The following VKORC1L1 variants were observed in gnomAD, a reference collection of about 807,000 sequenced individuals.
VKORC1L1 encodes the protein vitamin K epoxide reductase complex subunit 1-like protein 1.
A neutral mutation model predicts 18.9 loss-of-function variants in VKORC1L1; 2 were observed. That is an observed-to-expected ratio of 0.11 (90% CI 0.04 to 0.33). VKORC1L1 has a LOEUF of 0.33. VKORC1L1 is among the 10% of genes least tolerant of loss of function. VKORC1L1 has a pLI of 1.00. For synonymous variants in VKORC1L1, 96 were observed against 100.0 expected, an observed-to-expected ratio of 0.96 and a Z score of 0.24; for missense variants, 123 against 224.1, an observed-to-expected ratio of 0.55 and a Z score of 2.88.
intron 2 of VKORC1L1, among the ~76,000 whole-genome samples, chr7:65,952,900 C>T (rs1444330137): frequency 1.3e-5 from 2 of 150,420 alleles, no homozygotes; most frequent in African/African-American, 2.4e-5. Flanking sequence ...ATTCTCGTGC[C>T]TCAGCCTCCC....
chr7:65,903,466 G>A (rs73370623), intron 1 of VKORC1L1, among the ~76,000 whole-genome samples: 2,788 of 152,186 alleles, frequency 0.018, 53 homozygotes, highest in East Asian at 0.086. Flanking sequence ...TGCCCAGCCT[G>A]GAGAGACACC....
chr7:65,938,222 A>AG (rs1239547837), intron 1 of VKORC1L1, among the ~76,000 whole-genome samples: 3 of 152,162 alleles, frequency 2.0e-5, no homozygotes, highest in Admixed American at 2.0e-4. Flanking sequence ...GAAAAAAAAA[A>AG]TGATATCCTT....
chr7:65,898,077 GTTTTTTTT>G (rs71051319), intron 1 of VKORC1L1, among the ~76,000 whole-genome samples: 5 of 83,000 alleles, frequency 6.0e-5, no homozygotes, highest in East Asian at 4.1e-4. Flanking sequence ...TTTGTAGCAG[GTTTTTTTT>G]TTTTTTTTTT....
Position 65,945,627 on chromosome 7 carries a change from G to T in VKORC1L1, c.195-3044G>T, listed in dbSNP as rs2420049. ...GACTCCGTCTCAAAAAAAAAAGGTG[G>T]AAACAGTTAACAGACATCAAAGTGG... is the stretch of plus-strand genomic sequence containing the variant. On this transcript the variant is annotated intron_variant, in intron 1 of 2. Transcript: ENST00000360768. Among the ~76,000 whole-genome samples the T allele has an allele frequency of 2.6e-5, 4 of 152,150 alleles. No individual in the cohort carries two copies. In the East Asian group the frequency reaches 7.7e-4, roughly 29 times the overall value.
rs1788751211 is a variant in VKORC1L1, at chr7:65,873,108, T to G, written c.-264T>G. Among the ~76,000 whole-genome samples, 1 of 148,950 alleles carries G rather than the reference T, an allele frequency of 6.7e-6. No homozygotes were observed. The highest frequency in any genetic ancestry group is 1.5e-5 in the Non-Finnish European group (1 of 66,704). On this transcript the variant is annotated 5_prime_UTR_variant, in exon 1 of 3. Coordinates refer to ENST00000360768, the MANE Select transcript of VKORC1L1 (RefSeq NM_173517.6). The stretch of plus-strand genomic sequence containing the variant: ...CCGCCGATCCGGCCTCTTCGGCCGT[T>G]GCGCACTCCACCCCCTCCCTCCGCG...
rs540888746 is a variant in VKORC1L1, at chr7:65,890,931, C to T, written c.194+17366C>T. On this transcript the variant is annotated intron_variant, in intron 1 of 2. Transcript: ENST00000360768. ...CCCAGATGAAGATATAGAATATTTC[C>T]GTCACCCAGAAAGTTCTTTCATGGT... is the stretch of plus-strand genomic sequence containing the variant. Among the ~76,000 whole-genome samples the T allele has an allele frequency of 3.3e-5, 5 of 152,188 alleles. No individual in the cohort carries two copies. In the South Asian group the frequency reaches 6.2e-4, roughly 19 times the overall value.
At chr7:65,920,212 A>G (rs1789652637) in intron 1 of VKORC1L1, among the ~76,000 whole-genome samples, 1 of 151,566 alleles carries the variant, frequency 6.6e-6, no homozygotes, top group South Asian at 2.1e-4. Flanking sequence ...TCAACCCTGT[A>G]CTCATCTTTC....
intron 1 of VKORC1L1, among the ~76,000 whole-genome samples, chr7:65,921,678 C>G (rs1402073733): frequency 6.6e-6 from 1 of 152,136 alleles, no homozygotes; most frequent in African/African-American, 2.4e-5. Context: ...GAAACCCCGT[C>G]TCTACTAAAA....
chr7:65,883,454 A>T (rs1204730119), intron 1 of VKORC1L1, among the ~76,000 whole-genome samples: 1 of 151,502 alleles, frequency 6.6e-6, no homozygotes, highest in Admixed American at 6.6e-5. Context: ...ACCCGGCCAC[A>T]TTTGAGCTTT....
At chr7:65,866,866 G>C in the VKORC1L1 span, among the ~76,000 whole-genome samples, 1 of 152,086 alleles carries the variant, frequency 6.6e-6, no homozygotes, top group African/African-American at 2.4e-5. Flanking sequence ...CGAGGAGGAA[G>C]AGGAGGAGGG....
intron 1 of VKORC1L1, among the ~76,000 whole-genome samples, chr7:65,895,489 A>ATG (rs1789189370): frequency 2.3e-5 from 1 of 42,634 alleles, no homozygotes; most frequent in East Asian, 1.2e-3. Flanking sequence ...AAATATATAT[A>ATG]TATATATATA....
At chr7:65,878,907 C>CA (rs1257044135) in intron 1 of VKORC1L1, among the ~76,000 whole-genome samples, 8 of 150,036 alleles carry the variant, frequency 5.3e-5, no homozygotes, top group African/African-American at 1.5e-4. Flanking sequence ...GACTCTGTCT[C>CA]AAAAAAAAAG....
chr7:65,901,849 C>G (rs561058443), intron 1 of VKORC1L1, among the ~76,000 whole-genome samples: 3 of 152,194 alleles, frequency 2.0e-5, no homozygotes, highest in Admixed American at 6.5e-5. Flanking sequence ...AAGCAGCAGG[C>G]CAAACAATTC....
At chr7:65,949,122 G>C (rs1219877689) in intron 2 of VKORC1L1, among the ~76,000 whole-genome samples, 3 of 152,022 alleles carry the variant, frequency 2.0e-5, no homozygotes, top group African/African-American at 7.3e-5. Context: ...ACATTAACAA[G>C]AAACCATATT....
Position 65,956,468 on chromosome 7 carries a change from T to C in VKORC1L1, c.*2168T>C, listed in dbSNP as rs947099273. 6 of 152,262 alleles carry C rather than the reference T, an allele frequency of 3.9e-5. No individual in the cohort carries two copies. The highest frequency in any genetic ancestry group is 7.3e-5 in the Non-Finnish European group (5 of 68,048). The allele number at this position is 152,262 out of a possible 1,614,324, so 9.4% of individuals were successfully genotyped here. A position where few individuals can be genotyped will look rare whatever the true frequency, so the allele number is the denominator to read the frequency against. On this transcript the variant is annotated 3_prime_UTR_variant, in exon 3 of 3. Coordinates refer to ENST00000360768, the MANE Select transcript of VKORC1L1 (RefSeq NM_173517.6). ...TCTTCAACTCTTACCTGAGAAAACA[T>C]GGCAAAATGGTCAGCCAGACCCTTC... is the stretch of plus-strand genomic sequence containing the variant.
At chr7:65,880,366 TC>T (rs1369543615) in intron 1 of VKORC1L1, among the ~76,000 whole-genome samples, 1 of 152,194 alleles carries the variant, frequency 6.6e-6, no homozygotes, top group Admixed American at 6.6e-5. Context: ...AGAAGTAAGT[TC>T]CTGGAGTGTT....
chr7:65,885,622 A>G (rs995098105), intron 1 of VKORC1L1, among the ~76,000 whole-genome samples: 1 of 152,092 alleles, frequency 6.6e-6, no homozygotes, highest in African/African-American at 2.4e-5. Context: ...AATTTTTCCT[A>G]AATGGATAGG....
At chr7:65,875,722 C>G (rs753933162) in intron 1 of VKORC1L1, among the ~76,000 whole-genome samples, 15 of 152,064 alleles carry the variant, frequency 9.9e-5, no homozygotes, top group East Asian at 1.9e-4. Flanking sequence ...TAGCCTGAAA[C>G]AGACTTTAAA....
At chr7:65,937,656 C>T (rs992944767) in intron 1 of VKORC1L1, among the ~76,000 whole-genome samples, 3 of 152,218 alleles carry the variant, frequency 2.0e-5, no homozygotes, top group East Asian at 3.9e-4. Context: ...CAAGCAATCC[C>T]TCCAACCTCA....
Sources: gnomAD v4.1 joint callset for allele counts (sites outside exome capture counted in the v4.1 genomes callset) on GRCh38, gnomAD v4.1.1 for gene constraint, MANE v1.5 for transcripts, NCBI Gene and HGNC (gene_info 2026-07-23, HGNC 2026-07-21) for gene names.